Variants in DHX40 observed in about 807,000 individuals in gnomAD.
DHX40 encodes DEAH-box helicase 40.
DHX40 carries 28 observed loss-of-function variants against 89.6 expected under a neutral mutation model. The ratio of observed to expected loss-of-function variants is 0.31; its 90% confidence interval spans 0.23 to 0.43. The LOEUF is 0.43. DHX40 is among the 20% of genes least tolerant of loss of function. The pLI, the probability that DHX40 is intolerant of heterozygous loss-of-function variation, is 1.00. For missense variants in DHX40, 457 were observed against 844.0 expected (o/e 0.54, Z 5.68); for synonymous variants, 226 against 283.6 (o/e 0.80, Z 2.04).
chr17:59,570,620 C>T lies in DHX40; in HGVS notation c.383C>T (p.Ser128Phe). ...GAAGAAATGAAATGCACTTTGGGATCCAAAGTAGGATACCAAGTTCGTTTT... is the reference window on the plus strand; with the variant it reads ...GAAGAAATGAAATGCACTTTGGGATTCAAAGTAGGATACCAAGTTCGTTTT... ...VAEEMKCTLG[S>F]KVGYQVRFDD... Residue 128 changes from serine (S) to phenylalanine (F), a missense_variant, in exon 3 of 18, where the codon TCC becomes TTC. By Grantham distance (155) the Ser-to-Phe change is radical. Transcript: ENST00000251241. 1 of 1,608,818 alleles carries T rather than the reference C, an allele frequency of 6.2e-7. No individual in the cohort carries two copies. The highest frequency in any genetic ancestry group is 8.5e-7 in the Non-Finnish European group (1 of 1,177,604).
chr17:59,603,715 T>A (rs923830564), intron 15 of DHX40: 7 of 152,232 alleles, frequency 4.6e-5, no homozygotes, highest in African/African-American at 1.7e-4. Flanking sequence ...AAATTTTTGT[T>A]AATTACAAAA....
At chr17:59,569,264 G>A (rs1483116246) in intron 2 of DHX40, among the ~76,000 whole-genome samples, 2 of 151,920 alleles carry the variant, frequency 1.3e-5, no homozygotes, top group Admixed American at 6.6e-5. Flanking sequence ...GGAGGTAGAG[G>A]TTGCAGTGAG....
chr17:59,585,399 CAA>C (rs1226301976), intron 10 of DHX40, among the ~76,000 whole-genome samples: 3 of 128,090 alleles, frequency 2.3e-5, no homozygotes, highest in Admixed American at 7.9e-5. Context: ...GACTCCGTCT[CAA>C]AAAAAAAAAA....
chr17:59,594,571 G>C lies in DHX40; in HGVS notation c.1583-4166G>C, dbSNP rs914260240. 1.3e-4 allele frequency among the ~76,000 whole-genome samples: 19 copies of C among 149,642 alleles called. 1 individual carries two copies. Among genetic ancestry groups the C allele is most frequent in the African/African-American group, 4.8e-4 (19 of 39,592 alleles). ...TCTTCCTCAGCACAAAGCCTTTTGA[G>C]ATGCAATCTCTGGATGTTCACTAGT... On this transcript the variant is annotated intron_variant, in intron 12 of 17. Transcript: ENST00000251241.
At chr17:59,605,841 T>A (rs1434965010) in intron 17 of DHX40, 167 bp downstream of exon 17, 1 of 714,480 alleles carries the variant, frequency 1.4e-6, no homozygotes, top group East Asian at 2.9e-5. Flanking sequence ...GGTGTGCACC[T>A]GTAGTCCCAG....
At chr17:59,581,632 G>A (rs1200953227) in intron 10 of DHX40, among the ~76,000 whole-genome samples, 6 of 62,010 alleles carry the variant, frequency 9.7e-5, no homozygotes, top group Non-Finnish European at 1.6e-4. Context: ...GGTGGTGCTC[G>A]TCTGTGATCC....
intron 12 of DHX40, among the ~76,000 whole-genome samples, chr17:59,591,235 G>T (rs2049077695): frequency 6.6e-6 from 1 of 151,520 alleles, no homozygotes; most frequent in African/African-American, 2.4e-5. Context: ...AATCCAGGAG[G>T]CGGAGGTTGC....
chr17:59,596,283 C>G (rs1435759699), intron 12 of DHX40, among the ~76,000 whole-genome samples: 1 of 151,982 alleles, frequency 6.6e-6, no homozygotes, highest in Non-Finnish European at 1.5e-5. Context: ...AATTAGTATC[C>G]CTGGCTGGCG....
intron 10 of DHX40, among the ~76,000 whole-genome samples, chr17:59,582,283 T>G (rs1372699604): frequency 8.0e-6 from 1 of 124,434 alleles, no homozygotes; most frequent in Non-Finnish European, 1.6e-5. Flanking sequence ...TGTTTCAAAA[T>G]GCTTGAAACA....
Position 59,573,884 on chromosome 17 carries a change from C to T in DHX40, c.691C>T (p.Pro231Ser), listed in dbSNP as rs779351905. The T allele has an allele frequency of 6.2e-7, 1 of 1,610,588 alleles. No homozygotes were observed. The highest frequency in any genetic ancestry group is 1.7e-5 in the Admixed American group (1 of 59,638). Residue 231 changes from proline to serine, a missense_variant, in exon 5 of 18, where the codon CCT (proline) becomes TCT (serine). Physicochemically the swap from Pro to Ser is moderately conservative, Grantham distance 74. Around this residue, in one of 9 missense-constraint regions of DHX40, gnomAD observed 116 missense variants for 188.9 expected, o/e 0.61. Transcript: ENST00000251241. ...TGGAAATTGTCCAATATTTGATATA[C>T]CTGGAAGGCTTTATCCAGTCAGAGA... ...FFGNCPIFDI[P>S]GRLYPVREKF...
chr17:59,595,409 G>A (rs575673649), intron 12 of DHX40, among the ~76,000 whole-genome samples: 2 of 152,200 alleles, frequency 1.3e-5, no homozygotes, highest in African/African-American at 4.8e-5. Flanking sequence ...TATTGGAAAA[G>A]TTTTCGGAGA....
intron 12 of DHX40, among the ~76,000 whole-genome samples, 190 bp downstream of exon 12, chr17:59,588,243 C>CAAAAAAA (rs2049029608): frequency 6.5e-5 from 9 of 138,278 alleles, no homozygotes; most frequent in African/African-American, 2.6e-4. Context: ...AAAAAAAAAC[C>CAAAAAAA]AAAAACAAAA....
At position 59,605,087 on chromosome 17, in the gene DHX40, C is replaced by A. The variant is rs771475690; in HGVS notation, c.1902-28C>A. 3 of 1,602,134 alleles carry A rather than the reference C, an allele frequency of 1.9e-6. No individual in the cohort carries two copies. In the South Asian group the frequency reaches 3.3e-5, roughly 18 times the overall value. On this transcript the variant is annotated intron_variant, in intron 15 of 17. Coordinates refer to ENST00000251241, the MANE Select transcript of DHX40 (RefSeq NM_024612.5). The stretch of plus-strand genomic sequence containing the variant: ...TACTTCATTGCTTTACTGTTGTAGT[C>A]TTTATCATTTTGTTTTTCTGTTTAT...
chr17:59,594,738 AT>A (rs1304553466), intron 12 of DHX40, among the ~76,000 whole-genome samples: 4 of 152,144 alleles, frequency 2.6e-5, no homozygotes, highest in Non-Finnish European at 5.9e-5. Flanking sequence ...ATTATCTGTT[AT>A]GCTTTGATCT....
chr17:59,577,425 A>G (rs1448044491), intron 8 of DHX40, 60 bp downstream of exon 8: 7 of 1,395,512 alleles, frequency 5.0e-6, no homozygotes, highest in African/African-American at 4.3e-5. Flanking sequence ...AACATTAGCT[A>G]AACATTACTG....
At chr17:59,595,179 G>A (rs933359606) in intron 12 of DHX40, among the ~76,000 whole-genome samples, 33 of 151,862 alleles carry the variant, frequency 2.2e-4, no homozygotes, top group Middle Eastern at 3.4e-3. Context: ...TACCTCCCAG[G>A]TTCAAGCAAT....
intron 12 of DHX40, among the ~76,000 whole-genome samples, chr17:59,595,941 GT>G (rs1327725538): frequency 1.5e-4 from 22 of 151,326 alleles, no homozygotes; most frequent in Non-Finnish European, 2.9e-4. Flanking sequence ...GGGGAATTGG[GT>G]TTTCTTACAT....
intron 12 of DHX40, among the ~76,000 whole-genome samples, chr17:59,596,030 A>T (rs1057284106): frequency 4.6e-5 from 7 of 152,024 alleles, no homozygotes; most frequent in African/African-American, 1.7e-4. Context: ...ATAATTTACT[A>T]CCATAAAATA....
rs1430829133 is a variant in DHX40, at chr17:59,582,360, G to A, written c.1343+2481G>A. Among the ~76,000 whole-genome samples, 13 of 124,462 alleles carry A rather than the reference G, an allele frequency of 1.0e-4. 2 individuals carry two copies. The highest frequency in any genetic ancestry group is 1.7e-4 in the Non-Finnish European group (11 of 62,930). 81.7% of individuals were successfully genotyped at this position (124,462 alleles called of 152,430 possible). ...AGGAGAGGTAGAGCCAGTGTTTGGG[G>A]TAGATGGTATAGGATTCATAGACGA... On this transcript the variant is annotated intron_variant, in intron 10 of 17. Transcript: ENST00000251241.
Sources: allele counts gnomAD v4.1 joint callset (sites outside exome capture counted in the v4.1 genomes callset), GRCh38; gene constraint gnomAD v4.1.1; regional missense constraint gnomAD v4.1.1; transcripts MANE v1.5; gene names NCBI Gene and HGNC (gene_info 2026-07-23, HGNC 2026-07-21).